The following EPHB1 variants were observed in gnomAD, a reference collection of about 807,000 sequenced individuals.
EPHB1 encodes the protein ephrin type-B receptor 1.
EPHB1 carries 30 observed loss-of-function variants against 94.4 expected under a neutral mutation model. The observed-to-expected ratio is 0.32, with a 90% CI of 0.24 to 0.43. The LOEUF (loss-of-function observed/expected upper bound fraction) is 0.43. Ranked by LOEUF, EPHB1 falls within the 20% of genes least tolerant of loss-of-function variation. EPHB1 has a pLI of 1.00. For missense variants in EPHB1, 1,055 were observed against 1,308.3 expected (o/e 0.81, Z 2.99); for synonymous variants, 522 against 489.1 (o/e 1.07, Z -0.89).
intron 1 of EPHB1, among the ~76,000 whole-genome samples, chr3:134,912,180 T>C (rs36208): frequency 0.4 from 60,874 of 152,090 alleles, 13,557 homozygotes; most frequent in South Asian, 0.6. Context: ...GCTTGCATCC[T>C]CATGAAGTGA....
intron 2 of EPHB1, among the ~76,000 whole-genome samples, chr3:134,950,290 C>T (rs988517583): frequency 4.6e-5 from 7 of 152,178 alleles, no homozygotes; most frequent in African/African-American, 1.7e-4. Context: ...ACTAAAGTAA[C>T]ACCCTCCAGC....
At chr3:135,236,053 T>A (rs1943644847) in intron 12 of EPHB1, among the ~76,000 whole-genome samples, 1 of 152,226 alleles carries the variant, frequency 6.6e-6, no homozygotes, top group African/African-American at 2.4e-5. Context: ...AATGTATTAG[T>A]TTCTCATGGC....
chr3:134,925,967 G>C lies in EPHB1; in HGVS notation c.123+87G>C, dbSNP rs1489198971. The C allele has an allele frequency of 3.4e-6, 4 of 1,173,370 alleles. No homozygotes were observed. In the African/African-American group the frequency reaches 6.2e-5, roughly 18 times the overall value. The allele number at this position is 1,173,370 out of a possible 1,614,324, so 72.7% of individuals were successfully genotyped here. ...AGGGGAGTAGAGACTACCCAGAGCA[G>C]TACCTGTGGGGAATGGAATACAGGT... On this transcript the variant is annotated intron_variant, in intron 2 of 15. Transcript: ENST00000398015.
At chr3:135,051,176 CA>C (rs1469786906) in intron 3 of EPHB1, among the ~76,000 whole-genome samples, 3 of 152,254 alleles carry the variant, frequency 2.0e-5, no homozygotes, top group African/African-American at 7.2e-5. Context: ...TAGAATAATT[CA>C]AATGTCCAGC....
At chr3:134,925,334 G>A (rs375127398) in intron 1 of EPHB1, among the ~76,000 whole-genome samples, 40 of 152,360 alleles carry the variant, frequency 2.6e-4, no homozygotes, top group African/African-American at 9.4e-4. Context: ...AATGTGTGGA[G>A]AGGAAGGAGG....
At chr3:134,941,889 C>G (rs2039126621) in intron 2 of EPHB1, among the ~76,000 whole-genome samples, 1 of 151,910 alleles carries the variant, frequency 6.6e-6, no homozygotes, top group Non-Finnish European at 1.5e-5. Context: ...TTCCAATAAG[C>G]AAGCCTAACA....
intron 3 of EPHB1, among the ~76,000 whole-genome samples, chr3:134,970,533 T>C (rs1005706409): frequency 1.1e-4 from 17 of 152,336 alleles, no homozygotes; most frequent in African/African-American, 3.6e-4. Flanking sequence ...TTATGATGTG[T>C]ATTGTCTGTC....
intron 1 of EPHB1, among the ~76,000 whole-genome samples, chr3:134,883,454 T>A (rs2037802459): frequency 6.6e-6 from 1 of 152,188 alleles, no homozygotes; most frequent in South Asian, 2.1e-4. Flanking sequence ...TGGCACAGTC[T>A]CTTGGCAGAA....
intron 2 of EPHB1, among the ~76,000 whole-genome samples, chr3:134,947,271 A>G (rs1240571288): frequency 6.6e-6 from 1 of 152,054 alleles, no homozygotes; most frequent in African/African-American, 2.4e-5. Flanking sequence ...CTCTGTTGGG[A>G]ATGCCATTCT....
At chr3:134,881,707 A>G (rs2037734255) in intron 1 of EPHB1, among the ~76,000 whole-genome samples, 1 of 151,588 alleles carries the variant, frequency 6.6e-6, no homozygotes, top group Admixed American at 6.6e-5. Context: ...AGAGTGATAA[A>G]TAAATGAATA....
chr3:134,857,064 C>T (rs571122921), intron 1 of EPHB1, among the ~76,000 whole-genome samples: 6 of 152,282 alleles, frequency 3.9e-5, no homozygotes, highest in Admixed American at 2.6e-4. Flanking sequence ...CCTTCTCAGG[C>T]GACTGGGGTG....
At chr3:135,096,814 G>A (rs1938787250) in intron 3 of EPHB1, among the ~76,000 whole-genome samples, 1 of 152,078 alleles carries the variant, frequency 6.6e-6, no homozygotes, top group South Asian at 2.1e-4. Context: ...TATCATATTC[G>A]GGGCCAGGCA....
At chr3:135,222,147 A>T (rs1453760292) in intron 12 of EPHB1, among the ~76,000 whole-genome samples, 2 of 152,226 alleles carry the variant, frequency 1.3e-5, no homozygotes, top group Non-Finnish European at 2.9e-5. Context: ...TATTTACTTC[A>T]TGAGCCTCAG....
At chr3:134,999,483 G>A (rs1935105559) in intron 3 of EPHB1, among the ~76,000 whole-genome samples, 1 of 152,136 alleles carries the variant, frequency 6.6e-6, no homozygotes, top group Non-Finnish European at 1.5e-5. Context: ...AACTGGTGAG[G>A]GCCCCAAGCA....
intron 2 of EPHB1, among the ~76,000 whole-genome samples, chr3:134,947,171 AT>A (rs140891648): frequency 7.3e-4 from 111 of 151,676 alleles, no homozygotes; most frequent in African/African-American, 2.6e-3. Context: ...TTCAGTAGAC[AT>A]TTTTTTTTCA....
chr3:135,175,719 C>T (rs765365536), intron 9 of EPHB1, among the ~76,000 whole-genome samples: 6 of 151,896 alleles, frequency 4.0e-5, no homozygotes, highest in South Asian at 4.2e-4. Context: ...AAGCATTGTA[C>T]GGATTACTAT....
intron 3 of EPHB1, among the ~76,000 whole-genome samples, chr3:134,996,180 G>A (rs1471049510): frequency 2.0e-5 from 3 of 152,038 alleles, no homozygotes; most frequent in Admixed American, 2.0e-4. Context: ...GTAACTTAAT[G>A]AATAATATTC....
chr3:134,858,676 C>T (rs1037016195), intron 1 of EPHB1, among the ~76,000 whole-genome samples: 16 of 152,166 alleles, frequency 1.1e-4, no homozygotes, highest in African/African-American at 3.4e-4. Context: ...AATAACACTA[C>T]GGAATGATAG....
chr3:134,952,160 C>T (rs913094603), intron 3 of EPHB1, 108 bp downstream of exon 3: 22 of 1,210,634 alleles, frequency 1.8e-5, no homozygotes, highest in Non-Finnish European at 2.2e-5. Context: ...AGTCTAATGG[C>T]TTATTATAAA....
Sources: allele counts gnomAD v4.1 joint callset (sites outside exome capture counted in the v4.1 genomes callset), GRCh38; gene constraint gnomAD v4.1.1; transcripts MANE v1.5; gene names NCBI Gene and HGNC (gene_info 2026-07-23, HGNC 2026-07-21).